Variants in ASB3 observed in about 807,000 individuals in gnomAD.
ASB3 encodes ankyrin repeat and SOCS box protein 3.
Under a neutral mutation model 54.5 loss-of-function variants are expected in ASB3, and 41 were observed. The observed-to-expected ratio is 0.75, with a 90% CI of 0.59 to 0.98. ASB3 has a LOEUF of 0.98. ASB3 is among the 50% of genes least tolerant of loss of function. The pLI, the probability that ASB3 is intolerant of heterozygous loss-of-function variation, is 0.00. For synonymous variants in ASB3, 266 were observed against 221.2 expected (o/e 1.20, Z -1.80); for missense variants, 733 against 620.0 (o/e 1.18, Z -1.94).
chr2:53,760,971 A>C (rs1673111313), intron 2 of ASB3, among the ~76,000 whole-genome samples: 1 of 152,176 alleles, frequency 6.6e-6, no homozygotes, highest in African/African-American at 2.4e-5. Context: ...AATGACATTG[A>C]AGGCACTCCT....
intron 3 of ASB3, among the ~76,000 whole-genome samples, chr2:53,749,733 A>G (rs1454866389): frequency 1.3e-5 from 2 of 152,182 alleles, no homozygotes; most frequent in East Asian, 3.9e-4. Flanking sequence ...ATATTAATTC[A>G]TATATATGAA....
At chr2:53,754,477 A>C (rs533449882) in intron 2 of ASB3, among the ~76,000 whole-genome samples, 1 of 152,214 alleles carries the variant, frequency 6.6e-6, no homozygotes, top group African/African-American at 2.4e-5. Context: ...GGTGAGAAAT[A>C]CTGAAGTCAA....
chr2:53,710,496 G>C (rs554975897), intron 7 of ASB3, among the ~76,000 whole-genome samples: 1 of 152,218 alleles, frequency 6.6e-6, no homozygotes, highest in African/African-American at 2.4e-5. Flanking sequence ...TCTATTAATT[G>C]CTTTTTCCCA....
rs1314163460 is a variant in ASB3 at position 53,765,578 on chromosome 2, T to A, written c.-6A>T. The A allele has an allele frequency of 6.2e-7, 1 of 1,614,174 alleles. No homozygotes were observed. ...TAAGCCTCTGTAAAATCCATTTGTTTGACCAGTCTACAAAACAAGGTAGAA... is the reference window on the plus strand; with the variant it reads ...TAAGCCTCTGTAAAATCCATTTGTTAGACCAGTCTACAAAACAAGGTAGAA... On this transcript the variant is annotated 5_prime_UTR_variant, in exon 2 of 10. Transcript: ENST00000263634.
At chr2:53,703,656 G>T (rs147968583) in intron 7 of ASB3, among the ~76,000 whole-genome samples, 2 of 152,010 alleles carry the variant, frequency 1.3e-5, no homozygotes, top group African/African-American at 2.4e-5. Context: ...ATCACCTTTT[G>T]GTGTTAATTG....
intron 8 of ASB3, among the ~76,000 whole-genome samples, chr2:53,696,078 T>G (rs12621547): frequency 6.6e-6 from 1 of 152,096 alleles, no homozygotes; most frequent in Non-Finnish European, 1.5e-5. Flanking sequence ...AGTGTAAACA[T>G]TGGCTTTACC....
chr2:53,674,758 G>T (rs1241580935), intron 9 of ASB3, among the ~76,000 whole-genome samples: 3 of 151,884 alleles, frequency 2.0e-5, no homozygotes, highest in Non-Finnish European at 4.4e-5. Context: ...TTTCTCGTTG[G>T]TATCCATCCT....
intron 5 of ASB3, among the ~76,000 whole-genome samples, chr2:53,727,956 T>C (rs374177850): frequency 5.9e-4 from 90 of 152,066 alleles, no homozygotes; most frequent in African/African-American, 1.5e-3. Flanking sequence ...AAACTCCTGA[T>C]CTCAAGTGAT....
intron 3 of ASB3, 82 bp downstream of exon 3, chr2:53,750,701 G>A (rs2104005632): frequency 7.2e-7 from 1 of 1,381,000 alleles, no homozygotes; most frequent in East Asian, 2.6e-5. Context: ...AAGCACAACA[G>A]CTGAAGGAAA....
At chr2:53,738,213 C>A (rs1671750324) in intron 3 of ASB3, among the ~76,000 whole-genome samples, 1 of 152,164 alleles carries the variant, frequency 6.6e-6, no homozygotes, top group South Asian at 2.1e-4. Flanking sequence ...TATTGATAAG[C>A]AAAACTAGTT....
chr2:53,741,267 G>C (rs950654804), intron 3 of ASB3, among the ~76,000 whole-genome samples: 12 of 152,318 alleles, frequency 7.9e-5, no homozygotes, highest in African/African-American at 2.6e-4. Context: ...AGAATGAAGA[G>C]ACAATTGCAT....
At chr2:53,706,503 T>G (rs1033897147) in intron 7 of ASB3, among the ~76,000 whole-genome samples, 3 of 152,082 alleles carry the variant, frequency 2.0e-5, no homozygotes, top group Admixed American at 1.3e-4. Flanking sequence ...TGGAGTGCAG[T>G]GGCGTGATCT....
At chr2:53,711,197 A>G (rs1670075811) in intron 7 of ASB3, among the ~76,000 whole-genome samples, 1 of 152,192 alleles carries the variant, frequency 6.6e-6, no homozygotes, top group African/African-American at 2.4e-5. Context: ...GTAAGTCAGG[A>G]ATATGCAAAT....
chr2:53,782,069 G>A (rs779664405), intron 1 of ASB3, among the ~76,000 whole-genome samples: 1 of 152,140 alleles, frequency 6.6e-6, no homozygotes, highest in African/African-American at 2.4e-5. Context: ...AGCTACTCAG[G>A]AGGCTGAGGT....
chr2:53,740,321 G>A (rs557045481), intron 3 of ASB3, among the ~76,000 whole-genome samples: 1 of 152,120 alleles, frequency 6.6e-6, no homozygotes, highest in South Asian at 2.1e-4. Context: ...ACATTTGTAA[G>A]AACATTTATC....
At chr2:53,753,339 A>T (rs1672630956) in intron 2 of ASB3, among the ~76,000 whole-genome samples, 1 of 151,988 alleles carries the variant, frequency 6.6e-6, no homozygotes, top group Non-Finnish European at 1.5e-5. Context: ...ACAAACAAAT[A>T]AATAAACAGA....
At chr2:53,737,297 C>A (rs1671693219) in intron 3 of ASB3, among the ~76,000 whole-genome samples, 1 of 152,060 alleles carries the variant, frequency 6.6e-6, no homozygotes, top group African/African-American at 2.4e-5. Flanking sequence ...AGTAGAGCAA[C>A]AGTAAGGTTG....
intron 3 of ASB3, among the ~76,000 whole-genome samples, chr2:53,730,684 TCTC>T (rs1355891094): frequency 6.6e-6 from 1 of 152,206 alleles, no homozygotes; most frequent in Non-Finnish European, 1.5e-5. Context: ...TGTTCCTTTT[TCTC>T]CTCAACCTCG....
intron 4 of ASB3, among the ~76,000 whole-genome samples, chr2:53,729,234 T>C (rs73934981): frequency 0.012 from 1,794 of 152,302 alleles, 39 homozygotes; most frequent in African/African-American, 0.041. Flanking sequence ...ATATGCCATC[T>C]ACATTTTTAA....
Sources: gnomAD v4.1 joint callset for allele counts (sites outside exome capture counted in the v4.1 genomes callset) on GRCh38, gnomAD v4.1.1 for gene constraint, MANE v1.5 for transcripts, NCBI Gene and HGNC (gene_info 2026-07-23, HGNC 2026-07-21) for gene names.